SMC4: variants seen among roughly 807,000 people sequenced by gnomAD.
SMC4 encodes structural maintenance of chromosomes protein 4.
A neutral mutation model predicts 145.6 loss-of-function variants in SMC4; 87 were observed. The ratio of observed to expected loss-of-function variants is 0.60; its 90% CI spans 0.50 to 0.71. The LOEUF (loss-of-function observed/expected upper bound fraction) is 0.71, where lower values mean the gene tolerates loss of function less well. Among genes scored for constraint, SMC4 ranks in the 30% least tolerant of loss-of-function variants. The pLI, the probability that SMC4 is intolerant of heterozygous loss-of-function variation, is 0.00. For synonymous variants in SMC4, 558 were observed against 500.7 expected (o/e 1.11, Z -1.53); for missense variants, 1,447 against 1,537.1 (o/e 0.94, Z 0.98).
At chr3:160,417,673 G>T in intron 10 of SMC4, 50 bp from the exon 11 acceptor site, 2 of 1,350,514 alleles carry the variant, frequency 1.5e-6, no homozygotes, top group South Asian at 1.2e-5. Context: ...TTTCAGTGTA[G>T]GTTTGAAAGT....
chr3:160,413,444 ATTTCT>A, intron 7 of SMC4, 24 bp from the exon 8 acceptor site: 1 of 1,557,696 alleles, frequency 6.4e-7, no homozygotes, highest in Non-Finnish European at 8.6e-7. Context: ...AGGAGCTTCA[ATTTCT>A]TTTTTTTTTT....
At chr3:160,428,652 A>C in intron 17 of SMC4, 101 bp from the exon 18 acceptor site, 4 of 1,074,014 alleles carry the variant, frequency 3.7e-6, no homozygotes, top group South Asian at 1.6e-5. Flanking sequence ...ATTTGTTTTA[A>C]TGCATCACGT....
chr3:160,430,579 G>C lies in SMC4; in HGVS notation c.2796-20G>C. 2 of 1,530,716 alleles carry C rather than the reference G, an allele frequency of 1.3e-6. No homozygotes were observed. Among genetic ancestry groups the C allele is most frequent in the Non-Finnish European group, 8.8e-7 (1 of 1,139,994 alleles). The allele number at this position is 1,530,716 out of a possible 1,614,324, so 94.8% of individuals were successfully genotyped here. ...CAAATCACCTTACCACATTTTTGAT[G>C]CATCATTTTGCTTCTTTAGAAACCT... On this transcript the variant is annotated intron_variant, in intron 18 of 23. Coordinates refer to ENST00000357388, the MANE Select transcript of SMC4 (RefSeq NM_001002800.3).
rs1717457503 is a variant in SMC4, at chr3:160,423,744, T to G, written c.2246-17T>G. 1 of 1,611,546 alleles carries G rather than the reference T, an allele frequency of 6.2e-7. No individual in the cohort carries two copies. The highest frequency in any genetic ancestry group is 1.7e-5 in the Admixed American group (1 of 59,750). ...TGGGGAGACATCTGAAGCTGACTTC[T>G]CTCCCCTGTTTTCCAGGTACAATGA... On this transcript the variant is annotated splice_polypyrimidine_tract_variant and intron_variant, in intron 14 of 23. Transcript: ENST00000357388.
intron 5 of SMC4, among the ~76,000 whole-genome samples, chr3:160,405,510 T>C (rs1227763968): frequency 6.6e-6 from 1 of 152,058 alleles, no homozygotes; most frequent in African/African-American, 2.4e-5. Flanking sequence ...AACAAACTTA[T>C]AAAATGTTAG....
intron 21 of SMC4, 44 bp from the exon 22 acceptor site, chr3:160,432,239 C>G (rs1364761723): frequency 7.3e-7 from 1 of 1,367,340 alleles, no homozygotes; most frequent in Non-Finnish European, 1.0e-6. Context: ...ATTATCATAT[C>G]AAATTTATCT....
At chr3:160,404,638 C>A in intron 5 of SMC4, 134 bp downstream of exon 5, 1 of 833,888 alleles carries the variant, frequency 1.2e-6, no homozygotes, top group Non-Finnish European at 2.1e-6. Flanking sequence ...ATGCTACAGT[C>A]AAGATGCGAA....
At position 160,414,407 on chromosome 3, in the gene SMC4, G is replaced by T; in HGVS notation, c.1162G>T (p.Glu388Ter). Residue 388 changes from glutamate (E) to a stop codon, truncating the protein, a stop_gained, in exon 9 of 24, where the codon GAA (glutamate) becomes TAA (stop). Coordinates refer to ENST00000357388, the MANE Select transcript of SMC4 (RefSeq NM_001002800.3). LOFTEE classifies it high-confidence loss of function. ...KITKFIEENK[E>*]KFTQLDLEDV... ...TACAAAATTTATTGAGGAGAATAAA[G>T]AAAAATTTACACAGCTAGATTTGGA... 5.6e-6 allele frequency: 9 copies of T among 1,608,132 alleles called. No homozygotes were observed. Among genetic ancestry groups the T allele is most frequent in the Non-Finnish European group, 7.6e-6 (9 of 1,176,824 alleles).
rs970029842 is a variant in SMC4 at position 160,429,492 on chromosome 3, C to T, written c.2795+550C>T. Reference sequence around the variant, plus strand: ...CCAAGTAGCTGGGACTACAGGAATGCACTACAACACCTGGCTAATTTTTGT... The same window carrying T: ...CCAAGTAGCTGGGACTACAGGAATGTACTACAACACCTGGCTAATTTTTGT... On this transcript the variant is annotated intron_variant, in intron 18 of 23. Transcript: ENST00000357388. Among the ~76,000 whole-genome samples the T allele has an allele frequency of 9.2e-5, 14 of 151,894 alleles. 1 individual carries two copies. The highest frequency in any genetic ancestry group is 9.2e-4 in the Admixed American group (14 of 15,244).
chr3:160,403,742 C>T (rs1355882762), intron 4 of SMC4, among the ~76,000 whole-genome samples: 1 of 151,996 alleles, frequency 6.6e-6, no homozygotes, highest in Admixed American at 6.6e-5. Flanking sequence ...TTCAGTATGA[C>T]AGAACTTTTA....
At chr3:160,420,631 C>T (rs917750692) in intron 12 of SMC4, 109 bp from the exon 13 acceptor site, 64 of 1,111,974 alleles carry the variant, frequency 5.8e-5, no homozygotes, top group Non-Finnish European at 7.9e-6. Context: ...TCTTTAAAAC[C>T]ATGTCTACAT....
chr3:160,434,262 T>G lies in SMC4; in HGVS notation c.*453T>G, dbSNP rs1038964761. 1 of 152,714 alleles carries G rather than the reference T, an allele frequency of 6.5e-6. No homozygotes were observed. The highest frequency in any genetic ancestry group is 1.5e-5 in the Non-Finnish European group (1 of 68,418). 9.5% of individuals were successfully genotyped at this position (152,714 alleles called of 1,614,324 possible). On this transcript the variant is annotated 3_prime_UTR_variant, in exon 24 of 24. Coordinates refer to ENST00000357388, the MANE Select transcript of SMC4 (RefSeq NM_001002800.3). ...TATTACCCAAATACTATGAACATAT[T>G]TTTGTAAACCAGTCATTCTGAATTA...
intron 7 of SMC4, 22 bp downstream of exon 7, chr3:160,412,475 AC>A: frequency 6.3e-7 from 1 of 1,578,866 alleles, no homozygotes; most frequent in East Asian, 2.3e-5. Context: ...GATTGATATT[AC>A]CAATTTTTAT....
rs896530262 is a variant in SMC4 at position 160,419,559 on chromosome 3, G to A, written c.1857+16G>A. On this transcript the variant is annotated intron_variant, in intron 12 of 23. Transcript: ENST00000357388. Reference sequence around the variant, plus strand: ...TGGAAGATTGGTAAAGTAGATTTTTGGGGGGCATGGCTTTACTTTTTTTTT... The same window carrying A: ...TGGAAGATTGGTAAAGTAGATTTTTAGGGGGCATGGCTTTACTTTTTTTTT... 8 of 1,571,450 alleles carry A rather than the reference G, an allele frequency of 5.1e-6. No homozygotes were observed. The highest frequency in any genetic ancestry group is 1.7e-4 in the Middle Eastern group (1 of 5,924).
intron 18 of SMC4, among the ~76,000 whole-genome samples, 193 bp downstream of exon 18, chr3:160,429,135 C>T (rs1202835956): frequency 6.6e-6 from 1 of 152,056 alleles, no homozygotes; most frequent in Non-Finnish European, 1.5e-5. Flanking sequence ...ATTAAAAAGG[C>T]TGGTAAACAG....
rs756652171 is a variant in SMC4, at chr3:160,433,898, C to T, written c.*89C>T. ...GATTATGAGTTGTATAAAATACATA[C>T]TCCCTAAACTAGATCATGAAACTGG... On this transcript the variant is annotated 3_prime_UTR_variant, in exon 24 of 24. Coordinates refer to ENST00000357388, the MANE Select transcript of SMC4 (RefSeq NM_001002800.3). The T allele has an allele frequency of 2.7e-5, 24 of 892,506 alleles. No homozygotes were observed. Among genetic ancestry groups the T allele is most frequent in the Non-Finnish European group, 4.1e-5 (24 of 583,536 alleles). 55.3% of individuals were successfully genotyped at this position (892,506 alleles called of 1,614,324 possible). A position where few individuals can be genotyped will look rare whatever the true frequency, so the allele number is the denominator to read the frequency against.
intron 3 of SMC4, 92 bp from the exon 4 acceptor site, chr3:160,402,584 A>G: frequency 1.5e-6 from 2 of 1,341,312 alleles, no homozygotes; most frequent in Non-Finnish European, 2.0e-6. Context: ...TTTAACTGCA[A>G]GTAAAAAAAT....
Position 160,414,529 on chromosome 3 carries a change from A to C in SMC4, c.1272+12A>C. 6.2e-7 allele frequency: 1 copy of C among 1,607,438 alleles called. No homozygotes were observed. Among genetic ancestry groups the C allele is most frequent in the Non-Finnish European group, 8.5e-7 (1 of 1,176,846 alleles). ...AAGATAAAGAAAAGGTAGGTGTTAG[A>C]AAAAAATTCTTAAAATTTCACGTCT... On this transcript the variant is annotated intron_variant, in intron 9 of 23. Transcript: ENST00000357388.
rs771029178 is a variant in SMC4 at position 160,401,953 on chromosome 3, G to A, written c.178G>A (p.Glu60Lys). 2.5e-6 allele frequency: 4 copies of A among 1,606,190 alleles called. No individual in the cohort carries two copies. In the African/African-American group the frequency reaches 5.4e-5, roughly 22 times the overall value. ...SEELDNRSLEEILNSIPPPPP... is the reference protein window; with the variant it reads ...SEELDNRSLEKILNSIPPPPP... The stretch of plus-strand genomic sequence containing the variant: ...GGAACTTGATAATAGAAGTTTAGAA[G>A]AGATTTTGAACAGCATTCCTCCTCC... The change falls in exon 3 of 24, where the codon GAG (glutamate) becomes AAG (lysine). Residue 60 changes from glutamate (E) to lysine (K), a missense_variant. Physicochemically the swap from Glu to Lys is moderately conservative, Grantham distance 56. Coordinates refer to ENST00000357388, the MANE Select transcript of SMC4 (RefSeq NM_001002800.3).
Sources: allele counts gnomAD v4.1 joint callset (sites outside exome capture counted in the v4.1 genomes callset), GRCh38; gene constraint gnomAD v4.1.1; transcripts MANE v1.5; gene names NCBI Gene and HGNC (gene_info 2026-07-23, HGNC 2026-07-21).